The following PCDH15 variants were observed in gnomAD, a reference collection of about 807,000 sequenced individuals.
PCDH15 encodes protocadherin related 15.
PCDH15 carries 129 observed loss-of-function variants against 178.5 expected under a neutral mutation model. The observed-to-expected ratio is 0.72, with a 90% CI of 0.63 to 0.84. The LOEUF is 0.84. Ranked by LOEUF, PCDH15 falls within the 40% of genes least tolerant of loss-of-function variation. PCDH15 has a pLI of 0.00. For missense variants in PCDH15, 2,230 were observed against 2,099.9 expected (o/e 1.06, Z -1.21); for synonymous variants, 800 against 732.0 (o/e 1.09, Z -1.50).
intron 3 of PCDH15, among the ~76,000 whole-genome samples, chr10:54,875,047 T>C (rs867783021): frequency 6.6e-6 from 1 of 152,208 alleles, no homozygotes; most frequent in Non-Finnish European, 1.5e-5. Context: ...ATTTTCATTT[T>C]TTACAAATTG....
intron 2 of PCDH15, among the ~76,000 whole-genome samples, chr10:55,443,764 C>T (rs1839250177): frequency 6.6e-6 from 1 of 152,052 alleles, no homozygotes; most frequent in Non-Finnish European, 1.5e-5. Flanking sequence ...TACCATTTGA[C>T]CCAGCAATTC....
chr10:55,442,453 G>GATTATATATATATATATTATATATAT (rs1347925826), intron 2 of PCDH15, among the ~76,000 whole-genome samples: 3 of 78,990 alleles, frequency 3.8e-5, no homozygotes, highest in South Asian at 4.6e-4. Context: ...TTCTTAATTT[G>GATTATATATATATATATTATATATAT]ATTATATATA....
chr10:54,181,049 T>C (rs1437235400), intron 13 of PCDH15, among the ~76,000 whole-genome samples: 1 of 152,210 alleles, frequency 6.6e-6, no homozygotes, highest in Non-Finnish European at 1.5e-5. Flanking sequence ...ACTTACACTT[T>C]GTAGTTCCCT....
intron 2 of PCDH15, among the ~76,000 whole-genome samples, chr10:55,477,805 A>G (rs769903511): frequency 2.0e-5 from 3 of 151,884 alleles, no homozygotes; most frequent in Non-Finnish European, 2.9e-5. Context: ...CAAATGAATG[A>G]AGTGCAAGTA....
chr10:54,517,668 C>A (rs979783134), intron 3 of PCDH15, among the ~76,000 whole-genome samples: 21 of 152,104 alleles, frequency 1.4e-4, no homozygotes, highest in Non-Finnish European at 2.9e-4. Context: ...AGAAAGTTAA[C>A]AAGGATACCC....
intron 2 of PCDH15, among the ~76,000 whole-genome samples, chr10:55,341,790 TATATATATA>T (rs1565032119): frequency 5.7e-4 from 7 of 12,282 alleles, no homozygotes; most frequent in Non-Finnish European, 1.2e-3. Context: ...TATATATATA[TATATATATA>T]TATATATTTT....
intron 2 of PCDH15, among the ~76,000 whole-genome samples, chr10:55,034,652 C>G (rs10825443): frequency 0.57 from 86,742 of 151,898 alleles, 25,104 homozygotes; most frequent in East Asian, 0.75. Flanking sequence ...AGAATCTAGA[C>G]TCTAAAAACT....
At chr10:55,001,532 G>C (rs1268882241) in intron 2 of PCDH15, among the ~76,000 whole-genome samples, 1 of 152,284 alleles carries the variant, frequency 6.6e-6, no homozygotes, top group East Asian at 1.9e-4. Context: ...AAGGCTGTCA[G>C]TGGTATGCCT....
At chr10:55,113,162 T>C (rs940107231) in intron 2 of PCDH15, among the ~76,000 whole-genome samples, 31 of 152,190 alleles carry the variant, frequency 2.0e-4, no homozygotes, top group African/African-American at 7.2e-4. Context: ...CAATTTTTGG[T>C]ATTTTGTTAC....
intron 14 of PCDH15, among the ~76,000 whole-genome samples, chr10:54,139,845 G>GA (rs949543968): frequency 1.4e-4 from 22 of 151,816 alleles, no homozygotes; most frequent in Admixed American, 1.3e-3. Context: ...AGGTGATAAT[G>GA]AAAAAAATAA....
chr10:54,713,769 T>C (rs1284121137), intron 1 of PCDH15, among the ~76,000 whole-genome samples: 1 of 152,136 alleles, frequency 6.6e-6, no homozygotes, highest in African/African-American at 2.4e-5. Context: ...ATTTGAAAAT[T>C]GCGTTTTCTA....
At chr10:54,555,187 A>G (rs2087045617) in intron 2 of PCDH15, among the ~76,000 whole-genome samples, 1 of 152,138 alleles carries the variant, frequency 6.6e-6, no homozygotes. Context: ...GCACAGTAAT[A>G]TAGTTTACAG....
chr10:54,326,986 C>T (rs891646837), intron 7 of PCDH15, among the ~76,000 whole-genome samples: 4 of 152,014 alleles, frequency 2.6e-5, no homozygotes, highest in African/African-American at 4.8e-5. Context: ...GCTATTCCTT[C>T]CTTTTGATGA....
chr10:54,020,206 T>C lies in PCDH15; in HGVS notation c.2737A>G (p.Thr913Ala), dbSNP rs1299646206. The C allele has an allele frequency of 1.2e-6, 2 of 1,613,566 alleles. No homozygotes were observed. Among genetic ancestry groups the C allele is most frequent in the African/African-American group, 1.3e-5 (1 of 74,992 alleles). ...CTAGCCCTTACCTTTACAATCACTG[T>C]GACAGTAGCAATACCAGGTGGCATT... ...GTMPPGIATV[T>A]VIVKDMNDYP... The change falls in exon 20 of 38, where the codon ACA (threonine) becomes GCA (alanine). Residue 913 changes from threonine (T) to alanine (A), a missense_variant. Physicochemically the swap from Thr to Ala is moderately conservative, Grantham distance 58. Transcript: ENST00000644397.
intron 2 of PCDH15, among the ~76,000 whole-genome samples, chr10:55,473,655 T>C (rs561427634): frequency 5.9e-5 from 9 of 152,290 alleles, no homozygotes; most frequent in East Asian, 5.8e-4. Flanking sequence ...ATAACCCCTA[T>C]TGGTGATGGA....
chr10:53,823,263 T>G (rs201534861), intron 32 of PCDH15: 3 of 1,613,932 alleles, frequency 1.9e-6, no homozygotes, highest in Admixed American at 1.7e-5. Flanking sequence ...CTCAATAGTA[T>G]TGGAAGAAAA....
upstream of PCDH15, among the ~76,000 whole-genome samples, chr10:54,803,635 C>G (rs561681241): frequency 8.5e-5 from 13 of 152,262 alleles, no homozygotes; most frequent in African/African-American, 3.1e-4. Context: ...AGACACACTG[C>G]TCATACAGAG....
intron 2 of PCDH15, among the ~76,000 whole-genome samples, chr10:54,576,639 T>C (rs2090504981): frequency 6.6e-6 from 1 of 152,176 alleles, no homozygotes; most frequent in African/African-American, 2.4e-5. Flanking sequence ...TGTAAGGAAT[T>C]CAGTCAGACT....
chr10:53,965,027 A>G (rs1357340251), intron 21 of PCDH15, among the ~76,000 whole-genome samples: 1 of 151,680 alleles, frequency 6.6e-6, no homozygotes, highest in Non-Finnish European at 1.5e-5. Flanking sequence ...CATACCTACA[A>G]TAAGTTCAGA....
Sources: allele counts gnomAD v4.1 joint callset (sites outside exome capture counted in the v4.1 genomes callset), GRCh38; gene constraint gnomAD v4.1.1; transcripts MANE v1.5; gene names NCBI Gene and HGNC (gene_info 2026-07-23, HGNC 2026-07-21).